Variants in PSMA4 observed in about 807,000 individuals in gnomAD.
PSMA4 encodes the protein proteasome 20S subunit alpha 4, also known as proteasome subunit alpha type-4.
Under a neutral mutation model 37.2 loss-of-function variants are expected in PSMA4, and 8 were observed. That is an observed-to-expected ratio of 0.22 (90% CI 0.13 to 0.39). PSMA4 has a LOEUF of 0.39. Among genes scored for constraint, PSMA4 ranks in the 10% least tolerant of loss-of-function variants. The pLI is 1.00. For missense variants in PSMA4, 169 were observed against 305.1 expected (o/e 0.55, Z 3.32); for synonymous variants, 93 against 98.8 (o/e 0.94, Z 0.35).
intron 7 of PSMA4, 76 bp downstream of exon 7, chr15:78,545,840 T>A (rs1331304799): frequency 6.8e-7 from 1 of 1,475,676 alleles, no homozygotes; most frequent in African/African-American, 1.4e-5. Flanking sequence ...GTGATGAATG[T>A]AAACAGTATT....
In PSMA4 at chr15:78,541,830, C is replaced by T; in HGVS notation, c.-23-75C>T. On this transcript the variant is annotated intron_variant, in intron 1 of 8. Coordinates refer to ENST00000044462, the MANE Select transcript of PSMA4 (RefSeq NM_002789.6). ...AGCTGAATAAAGGGAGTAAATAAAA[C>T]AGATTTGTAAAGTCAGCAAATGCTT... 8 of 1,254,454 alleles carry T rather than the reference C, an allele frequency of 6.4e-6. No individual in the cohort carries two copies. The South Asian group carries it at 1.0e-4, about 16-fold the overall frequency. The allele number at this position is 1,254,454 out of a possible 1,614,324, so 77.7% of individuals were successfully genotyped here.
At chr15:78,541,334 A>T (rs1485497238) in intron 1 of PSMA4, 2 of 155,376 alleles carry the variant, frequency 1.3e-5, no homozygotes, top group African/African-American at 4.8e-5. Flanking sequence ...CTCCACCCCC[A>T]AGTTCAGGAC....
At position 78,542,217 on chromosome 15, in the gene PSMA4, A is replaced by C; in HGVS notation, c.44A>C (p.Glu15Ala). Reference sequence around the variant, plus strand: ...TCCAGGACCACTATATTTTCTCCAGAAGGTAAAATAGAAATTGTTTAATCT... The same window carrying C: ...TCCAGGACCACTATATTTTCTCCAGCAGGTAAAATAGAAATTGTTTAATCT... ...YDSRTTIFSP[E>A]GRLYQVEYAM... The change falls in exon 3 of 9, where the codon GAA becomes GCA. Residue 15 changes from glutamate (E) to alanine (A), a missense_variant and splice_region_variant. Transcript: ENST00000044462. 1 of 1,598,432 alleles carries C rather than the reference A, an allele frequency of 6.3e-7. No homozygotes were observed. Among genetic ancestry groups the C allele is most frequent in the Non-Finnish European group, 8.5e-7 (1 of 1,174,862 alleles).
Position 78,544,233 on chromosome 15 carries a change from G to A in PSMA4, c.253G>A (p.Val85Ile). The change falls in exon 5 of 9, where the codon GTT (valine) becomes ATT (isoleucine). Residue 85 changes from valine to isoleucine, a missense_variant. This residue lies in a region of PSMA4 where 79 missense variants were observed against 212.4 expected (regional missense o/e 0.37). Transcript: ENST00000044462. The part of the protein sequence containing the change: ...SVAGITSDAN[V>I]LTNELRLIAQ... ...GGCAGGCATAACTTCTGATGCTAAT[G>A]TTCTGACTAATGAACTAAGGCTCAT... is the stretch of plus-strand genomic sequence containing the variant. The A allele has an allele frequency of 5.0e-6, 8 of 1,613,578 alleles. No individual in the cohort carries two copies. The highest frequency in any genetic ancestry group is 6.8e-6 in the Non-Finnish European group (8 of 1,179,730).
chr15:78,544,393 G>A, intron 5 of PSMA4, 126 bp downstream of exon 5: 1 of 569,468 alleles, frequency 1.8e-6, no homozygotes, highest in Non-Finnish European at 3.0e-6. Flanking sequence ...TTGGCTCACT[G>A]CAACCTCCGC....
At chr15:78,542,351 C>G (rs1172488870) in intron 3 of PSMA4, 132 bp downstream of exon 3, 2 of 1,369,222 alleles carry the variant, frequency 1.5e-6, no homozygotes, top group Non-Finnish European at 2.0e-6. Context: ...ATTATCATCA[C>G]CAGGTTGATT....
rs1367776463 is a variant in PSMA4 at position 78,549,439 on chromosome 15, A to G, written c.*495A>G. Reference sequence around the variant, plus strand: ...TGAGGCTGCCCACAGGCAGCAGCTCAAGCTGCGCGGAAGATGAGGTGTAGA... The same window carrying G: ...TGAGGCTGCCCACAGGCAGCAGCTCGAGCTGCGCGGAAGATGAGGTGTAGA... On this transcript the variant is annotated 3_prime_UTR_variant, in exon 9 of 9. Transcript: ENST00000044462. 1 of 152,374 alleles carries G rather than the reference A, an allele frequency of 6.6e-6. No individual in the cohort carries two copies. Among genetic ancestry groups the G allele is most frequent in the African/African-American group, 2.4e-5 (1 of 41,456 alleles). 9.4% of individuals were successfully genotyped at this position (152,374 alleles called of 1,614,324 possible).
intron 4 of PSMA4, among the ~76,000 whole-genome samples, chr15:78,543,621 T>A (rs1319327639): frequency 7.0e-6 from 1 of 143,016 alleles, no homozygotes; most frequent in East Asian, 2.0e-4. Context: ...CAGGCTGGAG[T>A]ACGGTGACGC....
Position 78,550,084 on chromosome 15 carries a change from G to A in PSMA4, c.*1140G>A, listed in dbSNP as rs990269879. 6.6e-6 allele frequency: 1 copy of A among 152,114 alleles called. No homozygotes were observed. Among genetic ancestry groups the A allele is most frequent in the Non-Finnish European group, 1.5e-5 (1 of 68,038 alleles). 9.4% of individuals were successfully genotyped at this position (152,114 alleles called of 1,614,324 possible). A position where few individuals can be genotyped will look rare whatever the true frequency, so the allele number is the denominator to read the frequency against. On this transcript the variant is annotated 3_prime_UTR_variant, in exon 9 of 9. Coordinates refer to ENST00000044462, the MANE Select transcript of PSMA4 (RefSeq NM_002789.6). ...AACTTCTAAATTATTCTCTTACTCTGTACAGCAGGTTCTCGTTATTTTTGG... is the reference window on the plus strand; with the variant it reads ...AACTTCTAAATTATTCTCTTACTCTATACAGCAGGTTCTCGTTATTTTTGG...
intron 1 of PSMA4, 133 bp from the exon 2 acceptor site, chr15:78,541,772 G>A: frequency 1.4e-6 from 1 of 734,438 alleles, no homozygotes; most frequent in East Asian, 2.8e-5. Context: ...ACACATTTTG[G>A]TATTCCAGCA....
intron 1 of PSMA4, chr15:78,541,620 C>A: frequency 2.6e-6 from 1 of 385,534 alleles, no homozygotes; most frequent in Non-Finnish European, 4.7e-6. Context: ...TTTTCTGTAT[C>A]GATTTCTCAA....
chr15:78,544,821 G>A (rs1456507065), intron 5 of PSMA4, 48 bp from the exon 6 acceptor site: 2 of 1,288,628 alleles, frequency 1.6e-6, no homozygotes, highest in African/African-American at 3.0e-5. Context: ...CTTAGAGTCT[G>A]TCTGTGTTTT....
In PSMA4 at chr15:78,550,535, T is replaced by TA. The variant is rs1240760165; in HGVS notation, c.*1591_*1592insA. Reference sequence around the variant, plus strand: ...GGTGAGCAGGGAAGGTCTCACCATGTTTCCCATGCCGGTCTCAAGCTCCTG... The same window carrying TA: ...GGTGAGCAGGGAAGGTCTCACCATGTATTCCCATGCCGGTCTCAAGCTCCTG... On this transcript the variant is annotated 3_prime_UTR_variant, in exon 9 of 9. Coordinates refer to ENST00000044462, the MANE Select transcript of PSMA4 (RefSeq NM_002789.6). The TA allele has an allele frequency of 1.3e-5, 2 of 151,944 alleles. No homozygotes were observed. Among genetic ancestry groups the TA allele is most frequent in the Non-Finnish European group, 2.9e-5 (2 of 68,072 alleles). The allele number at this position is 151,944 out of a possible 1,614,324, so 9.4% of individuals were successfully genotyped here. A position where few individuals can be genotyped will look rare whatever the true frequency, so the allele number is the denominator to read the frequency against.
Position 78,546,638 on chromosome 15 carries a change from G to T in PSMA4, c.571G>T (p.Ala191Ser), listed in dbSNP as rs1393182567. 6.2e-7 allele frequency: 1 copy of T among 1,604,554 alleles called. No individual in the cohort carries two copies. The highest frequency in any genetic ancestry group is 1.3e-5 in the African/African-American group (1 of 74,246). ...AGAAATGACCTTGAAGTCAGCACTT[G>T]CTTTAGCTATCAAAGTACTAAATAA... is the stretch of plus-strand genomic sequence containing the variant. ...EGEMTLKSAL[A>S]LAIKVLNKTM... is the part of the protein sequence containing the mutation. The change falls in exon 8 of 9, where the codon GCT becomes TCT. Residue 191 changes from alanine to serine, a missense_variant. This residue lies in a region of PSMA4 where 90 missense variants were observed against 92.7 expected (regional missense o/e 0.97). Transcript: ENST00000044462.
chr15:78,547,818 C>G (rs1779173640), intron 8 of PSMA4, among the ~76,000 whole-genome samples: 1 of 151,608 alleles, frequency 6.6e-6, no homozygotes, highest in Non-Finnish European at 1.5e-5. Flanking sequence ...GCGTGGGTGA[C>G]AGAGAGAGAC....
chr15:78,544,765 G>A, intron 5 of PSMA4, 104 bp from the exon 6 acceptor site: 1 of 673,062 alleles, frequency 1.5e-6, no homozygotes. Context: ...ACAAATGACT[G>A]TTAGGTTGTC....
chr15:78,544,822 T>A, intron 5 of PSMA4, 47 bp from the exon 6 acceptor site: 1 of 1,295,944 alleles, frequency 7.7e-7, no homozygotes, highest in Non-Finnish European at 1.1e-6. Flanking sequence ...TTAGAGTCTG[T>A]CTGTGTTTTA....
chr15:78,542,024 G>A, intron 2 of PSMA4, 94 bp downstream of exon 2: 1 of 1,502,608 alleles, frequency 6.7e-7, no homozygotes, highest in South Asian at 1.2e-5. Context: ...GAAATAGAAG[G>A]AAAGCAGTGA....
chr15:78,549,122 T>G lies in PSMA4; in HGVS notation c.*178T>G. 4 of 971,550 alleles carry G rather than the reference T, an allele frequency of 4.1e-6. No individual in the cohort carries two copies. Among genetic ancestry groups the G allele is most frequent in the Non-Finnish European group, 5.4e-6 (4 of 743,802 alleles). 60.2% of individuals were successfully genotyped at this position (971,550 alleles called of 1,614,324 possible). Reference sequence around the variant, plus strand: ...GAATACTTTATTGTAACGATGATGGTTACCCTTCATGGACGTCTTAATCTT... The same window carrying G: ...GAATACTTTATTGTAACGATGATGGGTACCCTTCATGGACGTCTTAATCTT... On this transcript the variant is annotated 3_prime_UTR_variant, in exon 9 of 9. Transcript: ENST00000044462.
Sources: gnomAD v4.1 joint callset for allele counts (sites outside exome capture counted in the v4.1 genomes callset) on GRCh38, gnomAD v4.1.1 for gene constraint, gnomAD v4.1.1 regional missense constraint, MANE v1.5 for transcripts, NCBI Gene and HGNC (gene_info 2026-07-23, HGNC 2026-07-21) for gene names.